Variants in PALLD observed in about 807,000 individuals in gnomAD.
PALLD encodes the protein palladin.
Under a neutral mutation model 123.5 loss-of-function variants are expected in PALLD, and 61 were observed. That is an observed-to-expected ratio of 0.49 (90% confidence interval 0.40 to 0.61). The LOEUF (loss-of-function observed/expected upper bound fraction) is 0.61, where lower values mean the gene tolerates loss of function less well. Among genes scored for constraint, PALLD ranks in the 20% least tolerant of loss-of-function variants. The pLI is 0.00. For synonymous variants in PALLD, 465 were observed against 496.4 expected, an observed-to-expected ratio of 0.94 and a Z score of 0.84; for missense variants, 1,273 against 1,377.0, an observed-to-expected ratio of 0.92 and a Z score of 1.20.
chr4:168,520,362 T>G (rs1352797009), intron 2 of PALLD, among the ~76,000 whole-genome samples: 1 of 109,874 alleles, frequency 9.1e-6, no homozygotes, highest in East Asian at 3.3e-4. Flanking sequence ...AGAGAGAGAA[T>G]GGCACCTTTA....
chr4:168,701,989 A>G (rs1188979266), intron 8 of PALLD, among the ~76,000 whole-genome samples: 1 of 152,208 alleles, frequency 6.6e-6, no homozygotes, highest in Non-Finnish European at 1.5e-5. Context: ...ATCCTGTTCC[A>G]ATGTGTCTTA....
chr4:168,524,287 G>A (rs775055791), intron 2 of PALLD, among the ~76,000 whole-genome samples: 4 of 152,106 alleles, frequency 2.6e-5, no homozygotes, highest in South Asian at 2.1e-4. Flanking sequence ...TAAAACAATG[G>A]TATCTAGTGG....
intron 10 of PALLD, among the ~76,000 whole-genome samples, chr4:168,878,573 T>C (rs1752163538): frequency 6.6e-6 from 1 of 152,156 alleles, no homozygotes; most frequent in African/African-American, 2.4e-5. Context: ...TCAGTGATTC[T>C]TGCGTAGCCA....
intron 8 of PALLD, among the ~76,000 whole-genome samples, chr4:168,703,449 A>G (rs77347933): frequency 0.11 from 9,875 of 93,864 alleles, 932 homozygotes; most frequent in African/African-American, 0.23. Flanking sequence ...GGGTCAAATG[A>G]TATTTCCAGT....
chr4:168,805,167 AG>A (rs1284179549), intron 10 of PALLD, among the ~76,000 whole-genome samples: 1 of 147,912 alleles, frequency 6.8e-6, no homozygotes, highest in Admixed American at 6.8e-5. Context: ...AAAAAAAAAA[AG>A]AGTTCCCAAA....
intron 2 of PALLD, among the ~76,000 whole-genome samples, chr4:168,638,853 A>G (rs1003022885): frequency 4.6e-5 from 7 of 152,240 alleles, no homozygotes; most frequent in South Asian, 4.1e-4. Flanking sequence ...CATCCAGACC[A>G]TAGCAATCAG....
chr4:168,831,997 C>G, intron 10 of PALLD: 1 of 985,458 alleles, frequency 1.0e-6, no homozygotes, highest in Non-Finnish European at 1.2e-6. Flanking sequence ...CGCCGCGCCG[C>G]CGGACTCTTA....
chr4:168,705,174 G>T (rs950386326), intron 8 of PALLD, among the ~76,000 whole-genome samples: 24 of 152,110 alleles, frequency 1.6e-4, no homozygotes, highest in African/African-American at 5.8e-4. Flanking sequence ...TGTCATGTGG[G>T]CATTAAGAGT....
intron 2 of PALLD, among the ~76,000 whole-genome samples, chr4:168,620,450 G>C (rs1421479914): frequency 1.3e-5 from 2 of 152,088 alleles, no homozygotes; most frequent in African/African-American, 4.8e-5. Context: ...GTGAGATGCT[G>C]TCTAAAAAAA....
In PALLD at chr4:168,733,757, G is replaced by A. The variant is rs1309889249; in HGVS notation, c.1964+21834G>A. On this transcript the variant is annotated intron_variant, in intron 10 of 21. Coordinates refer to ENST00000505667, the MANE Select transcript of PALLD (RefSeq NM_001166108.2). ...TGGTTTTGTTTTATTTTTTTGAGACGGAGTCTCGCTCTTTTGCCCTGGCCG... is the reference window on the plus strand; with the variant it reads ...TGGTTTTGTTTTATTTTTTTGAGACAGAGTCTCGCTCTTTTGCCCTGGCCG... Among the ~76,000 whole-genome samples, 5 of 151,214 alleles carry A rather than the reference G, an allele frequency of 3.3e-5. 1 individual carries two copies. The South Asian group carries it at 6.4e-4, about 19-fold the overall frequency.
chr4:168,500,830 C>T (rs1761325694), intron 1 of PALLD, among the ~76,000 whole-genome samples: 1 of 152,076 alleles, frequency 6.6e-6, no homozygotes, highest in African/African-American at 2.4e-5. Flanking sequence ...TTTGTATATT[C>T]ATATATGAAT....
intron 10 of PALLD, among the ~76,000 whole-genome samples, chr4:168,819,261 A>G (rs1199718529): frequency 6.6e-6 from 1 of 152,182 alleles, no homozygotes; most frequent in Non-Finnish European, 1.5e-5. Context: ...AAAAATAGCA[A>G]GTGTAATTCT....
intron 2 of PALLD, among the ~76,000 whole-genome samples, chr4:168,615,272 C>T (rs1774115835): frequency 6.6e-6 from 1 of 152,114 alleles, no homozygotes; most frequent in Non-Finnish European, 1.5e-5. Context: ...TCCCAAACAG[C>T]ATATAAATAA....
At chr4:168,572,074 C>G (rs934787965) in intron 2 of PALLD, among the ~76,000 whole-genome samples, 1 of 152,054 alleles carries the variant, frequency 6.6e-6, no homozygotes, top group Non-Finnish European at 1.5e-5. Flanking sequence ...AAGCTTAAAG[C>G]CTGAGAAGAA....
intron 2 of PALLD, among the ~76,000 whole-genome samples, chr4:168,665,375 C>G (rs1779537087): frequency 6.6e-6 from 1 of 152,168 alleles, no homozygotes; most frequent in Non-Finnish European, 1.5e-5. Flanking sequence ...ATTAAGCATG[C>G]CTTTTAATTT....
chr4:168,576,505 C>T (rs55754851), intron 2 of PALLD, among the ~76,000 whole-genome samples: 6,434 of 151,958 alleles, frequency 0.042, 177 homozygotes, highest in Admixed American at 0.075. Flanking sequence ...TTTGTCCTTG[C>T]GATAGTTTGC....
chr4:168,800,556 A>C (rs376638210), intron 10 of PALLD, among the ~76,000 whole-genome samples: 1 of 152,092 alleles, frequency 6.6e-6, no homozygotes, highest in Non-Finnish European at 1.5e-5. Context: ...AAAACAACAG[A>C]GATACCATTA....
chr4:168,894,377 GATTAGGCC>G, intron 11 of PALLD, 194 bp from the exon 12 acceptor site: 1 of 594,124 alleles, frequency 1.7e-6, no homozygotes, highest in Admixed American at 2.6e-5. Flanking sequence ...TGGCTCTCTG[GATTAGGCC>G]ATTAGTACTA....
intron 10 of PALLD, among the ~76,000 whole-genome samples, chr4:168,845,668 C>T (rs1397431737): frequency 6.6e-6 from 1 of 152,042 alleles, no homozygotes; most frequent in African/African-American, 2.4e-5. Flanking sequence ...CCTCAAATAC[C>T]GAGGGACAAC....
Sources: allele counts gnomAD v4.1 joint callset (sites outside exome capture counted in the v4.1 genomes callset), GRCh38; gene constraint gnomAD v4.1.1; transcripts MANE v1.5; gene names NCBI Gene and HGNC (gene_info 2026-07-23, HGNC 2026-07-21).